PTPRK: variants seen among roughly 807,000 people sequenced by gnomAD.
The protein encoded by PTPRK is protein tyrosine phosphatase receptor type K.
Under a neutral mutation model 178.0 loss-of-function variants are expected in PTPRK, and 75 were observed. The ratio of observed to expected loss-of-function variants is 0.42; its 90% CI spans 0.35 to 0.51. The LOEUF is 0.51. PTPRK is among the 20% of genes least tolerant of loss of function. PTPRK has a pLI of 0.02. For synonymous variants in PTPRK, 637 were observed against 620.6 expected, an observed-to-expected ratio of 1.03 and a Z score of -0.39; for missense variants, 1,441 against 1,797.8, an observed-to-expected ratio of 0.80 and a Z score of 3.59.
intron 6 of PTPRK, 78 bp downstream of exon 6, chr6:128,218,844 C>T (rs1444021595): frequency 2.4e-6 from 3 of 1,260,320 alleles, no homozygotes; most frequent in Non-Finnish European, 3.3e-6. Flanking sequence ...GTTTAAAAAT[C>T]AATCAAAATA....
chr6:128,450,794 G>C (rs927658013), intron 1 of PTPRK, among the ~76,000 whole-genome samples: 1 of 152,100 alleles, frequency 6.6e-6, no homozygotes, highest in African/African-American at 2.4e-5. Context: ...AATCACAATC[G>C]TTATGTCATT....
At chr6:128,266,957 G>T (rs1819050760) in intron 3 of PTPRK, among the ~76,000 whole-genome samples, 1 of 151,996 alleles carries the variant, frequency 6.6e-6, no homozygotes, top group African/African-American at 2.4e-5. Flanking sequence ...CTTTATTCTA[G>T]AAATCATCAA....
chr6:128,382,403 G>T (rs1328065163), intron 2 of PTPRK, among the ~76,000 whole-genome samples: 1 of 122,680 alleles, frequency 8.2e-6, no homozygotes, highest in Non-Finnish European at 1.7e-5. Flanking sequence ...AAACCTATAT[G>T]AAAATTCTTT....
chr6:128,430,692 C>G (rs949300892), intron 1 of PTPRK, among the ~76,000 whole-genome samples: 1 of 151,968 alleles, frequency 6.6e-6, no homozygotes, highest in African/African-American at 2.4e-5. Context: ...TAAGGTTTGA[C>G]GTTGAAATAT....
chr6:128,409,387 C>G (rs1328935319), intron 1 of PTPRK: 1 of 434,848 alleles, frequency 2.3e-6, no homozygotes, highest in African/African-American at 2.0e-5. Context: ...GTAGACACAT[C>G]ATAAGTATTT....
intron 3 of PTPRK, among the ~76,000 whole-genome samples, chr6:128,306,629 GA>G (rs1003067252): frequency 2.7e-5 from 4 of 149,782 alleles, no homozygotes; most frequent in Non-Finnish European, 3.0e-5. Flanking sequence ...CAGCATCTCT[GA>G]AAAAAAAAAT....
intron 6 of PTPRK, among the ~76,000 whole-genome samples, chr6:128,202,136 A>C (rs907775809): frequency 6.6e-6 from 1 of 152,180 alleles, no homozygotes; most frequent in Non-Finnish European, 1.5e-5. Context: ...TTCCACTGAA[A>C]TATCCAGGTT....
intron 1 of PTPRK, among the ~76,000 whole-genome samples, chr6:128,491,558 G>A (rs888122634): frequency 6.6e-6 from 1 of 152,152 alleles, no homozygotes; most frequent in Non-Finnish European, 1.5e-5. Context: ...TGCAGTTTCG[G>A]CTACACCAAT....
chr6:128,478,774 G>A (rs1174099668), intron 1 of PTPRK, among the ~76,000 whole-genome samples: 2 of 152,066 alleles, frequency 1.3e-5, no homozygotes, highest in Admixed American at 1.3e-4. Context: ...CAATATTAAA[G>A]TTTTGCTAAT....
At chr6:128,475,430 T>C (rs1851253987) in intron 1 of PTPRK, among the ~76,000 whole-genome samples, 1 of 152,040 alleles carries the variant, frequency 6.6e-6, no homozygotes, top group Non-Finnish European at 1.5e-5. Flanking sequence ...TTAGGGGATG[T>C]TATCTGTGCA....
At chr6:128,370,548 CT>C (rs1048849986) in intron 2 of PTPRK, among the ~76,000 whole-genome samples, 3 of 151,868 alleles carry the variant, frequency 2.0e-5, no homozygotes, top group Non-Finnish European at 2.9e-5. Flanking sequence ...ATCATCTTAG[CT>C]TTTTTTACTT....
At chr6:128,066,083 C>A (rs1449050536) in intron 12 of PTPRK, among the ~76,000 whole-genome samples, 2 of 152,162 alleles carry the variant, frequency 1.3e-5, no homozygotes, top group African/African-American at 4.8e-5. Flanking sequence ...GTATAATAGA[C>A]CAAATAACCA....
At chr6:128,259,014 A>C (rs559716229) in intron 3 of PTPRK, among the ~76,000 whole-genome samples, 1 of 152,280 alleles carries the variant, frequency 6.6e-6, no homozygotes, top group East Asian at 1.9e-4. Flanking sequence ...TGTTTTTAAA[A>C]GATCAGTCTG....
At position 128,514,246 on chromosome 6, in the gene PTPRK, G is replaced by T. The variant is rs9491978; in HGVS notation, c.100+6013C>A. 8.5e-3 allele frequency among the ~76,000 whole-genome samples: 1,292 copies of T among 152,232 alleles called. 22 individuals carry two copies. The highest frequency in any genetic ancestry group is 0.03 in the African/African-American group (1,246 of 41,522). On this transcript the variant is annotated intron_variant, in intron 1 of 29. Transcript: ENST00000368226. ...CTTGTTTCTACATCTATGAAATAAA[G>T]TAGTGATCTATTTTCACTACTCTTT...
chr6:128,456,841 A>G (rs1349865481), intron 1 of PTPRK, among the ~76,000 whole-genome samples: 1 of 152,110 alleles, frequency 6.6e-6, no homozygotes, highest in Non-Finnish European at 1.5e-5. Flanking sequence ...AAGAGCATTC[A>G]TTTATTCACT....
At chr6:128,322,449 C>T in intron 2 of PTPRK, 139 bp from the exon 3 acceptor site, 1 of 774,088 alleles carries the variant, frequency 1.3e-6, no homozygotes. Context: ...CACAGAAATA[C>T]ATCAATCAAA....
chr6:127,995,599 C>A, intron 17 of PTPRK, 61 bp from the exon 18 acceptor site: 1 of 1,040,598 alleles, frequency 9.6e-7, no homozygotes, highest in South Asian at 1.6e-5. Flanking sequence ...GAGACAATGT[C>A]ATTGGTAGAG....
At chr6:128,012,787 A>G (rs906309630) in intron 13 of PTPRK, among the ~76,000 whole-genome samples, 3 of 151,460 alleles carry the variant, frequency 2.0e-5, no homozygotes, top group Non-Finnish European at 3.0e-5. Context: ...TAGGCAAACT[A>G]ATTCTTCTAC....
chr6:128,066,197 T>C (rs1438522018), intron 12 of PTPRK, among the ~76,000 whole-genome samples: 1 of 152,280 alleles, frequency 6.6e-6, no homozygotes, highest in East Asian at 1.9e-4. Context: ...TTCCATTGTG[T>C]TCTGTTTTTA....
Sources: gnomAD v4.1 joint callset for allele counts (sites outside exome capture counted in the v4.1 genomes callset) on GRCh38, gnomAD v4.1.1 for gene constraint, MANE v1.5 for transcripts, NCBI Gene and HGNC (gene_info 2026-07-23, HGNC 2026-07-21) for gene names.